KAT14: variants seen among roughly 807,000 people sequenced by gnomAD.
KAT14 encodes the protein lysine acetyltransferase 14, also known as cysteine-rich protein 2-binding protein.
KAT14 carries 66 observed loss-of-function variants against 78.4 expected under a neutral mutation model. The ratio of observed to expected loss-of-function variants is 0.84; its 90% CI spans 0.69 to 1.03. The LOEUF (loss-of-function observed/expected upper bound fraction) is 1.03. Ranked by LOEUF, KAT14 falls within the 50% of genes least tolerant of loss-of-function variation. The pLI is 0.00. For synonymous variants in KAT14, 344 were observed against 359.4 expected (o/e 0.96, Z 0.48); for missense variants, 870 against 972.5 (o/e 0.89, Z 1.40).
chr20:18,180,659 G>A (rs898589060), intron 7 of KAT14, among the ~76,000 whole-genome samples: 2 of 152,176 alleles, frequency 1.3e-5, no homozygotes, highest in Non-Finnish European at 2.9e-5. Flanking sequence ...CACATGGCTG[G>A]GTAGGCCTCA....
intron 4 of KAT14, among the ~76,000 whole-genome samples, 196 bp from the exon 5 acceptor site, chr20:18,158,888 G>A (rs924823867): frequency 6.6e-6 from 1 of 152,100 alleles, no homozygotes. Flanking sequence ...AACAAACCGA[G>A]GCTGCTAGAA....
chr20:18,143,254 C>T (rs762728979), intron 2 of KAT14: 36 of 841,924 alleles, frequency 4.3e-5, no homozygotes, highest in Non-Finnish European at 5.0e-5. Context: ...GTGTTGAATT[C>T]ATGTTCAAGT....
At chr20:18,176,422 A>G (rs1216380509) in intron 7 of KAT14, among the ~76,000 whole-genome samples, 1 of 152,168 alleles carries the variant, frequency 6.6e-6, no homozygotes, top group African/African-American at 2.4e-5. Context: ...GACATTAACT[A>G]GCTCACCAGG....
rs771410911 is a variant in KAT14 at position 18,162,382 on chromosome 20, G to A, written c.1105G>A (p.Asp369Asn). The change falls in exon 7 of 11, where the codon GAT (aspartate) becomes AAT (asparagine). Residue 369 changes from aspartate (D) to asparagine (N), a missense_variant. Physicochemically the swap from Asp to Asn is conservative, Grantham distance 23. Coordinates refer to ENST00000688188, the MANE Select transcript of KAT14 (RefSeq NM_001392073.1). ...MPPQALFHDD[D>N]EMEGDGVIDP... is the part of the protein sequence containing the mutation. Reference sequence around the variant, plus strand: ...CTGTTTTGTACTCTGCACAGATGACGATGAGATGGAAGGCGATGGAGTCAT... The same window carrying A: ...CTGTTTTGTACTCTGCACAGATGACAATGAGATGGAAGGCGATGGAGTCAT... 20 of 1,611,464 alleles carry A rather than the reference G, an allele frequency of 1.2e-5. 1 individual carries two copies. Among genetic ancestry groups the A allele is most frequent in the South Asian group, 2.2e-5 (2 of 90,648 alleles).
chr20:18,180,969 C>T (rs2039226468), intron 7 of KAT14, among the ~76,000 whole-genome samples: 1 of 152,122 alleles, frequency 6.6e-6, no homozygotes, highest in African/African-American at 2.4e-5. Context: ...TAGTAGTTGG[C>T]CCCAGTGGCT....
chr20:18,177,423 G>C (rs1228028126), intron 7 of KAT14, among the ~76,000 whole-genome samples: 1 of 152,162 alleles, frequency 6.6e-6, no homozygotes, highest in African/African-American at 2.4e-5. Flanking sequence ...TATTCACAAG[G>C]TCCACCCAGC....
chr20:18,172,118 T>C (rs1444259601), intron 7 of KAT14, among the ~76,000 whole-genome samples: 2 of 152,198 alleles, frequency 1.3e-5, no homozygotes, highest in Admixed American at 6.5e-5. Flanking sequence ...TTTTTTTTAT[T>C]TGAGACAGAG....
chr20:18,157,755 G>T (rs2038275769), intron 4 of KAT14, among the ~76,000 whole-genome samples: 2 of 151,974 alleles, frequency 1.3e-5, no homozygotes, highest in Admixed American at 1.3e-4. Context: ...TGTCCTCAAG[G>T]GTTATCCACA....
At position 18,143,015 on chromosome 20, in the gene KAT14, A is replaced by G. The variant is rs952003629; in HGVS notation, c.259+96A>G. 7.4e-6 allele frequency: 11 copies of G among 1,482,204 alleles called. No individual in the cohort carries two copies. In the African/African-American group the frequency reaches 1.3e-4, roughly 17 times the overall value. 91.8% of individuals were successfully genotyped at this position (1,482,204 alleles called of 1,614,324 possible). A position where few individuals can be genotyped will look rare whatever the true frequency, so the allele number is the denominator to read the frequency against. ...AAACGTGAATGTAAAAGAGACCTAA[A>G]TAAAAGGATAATTATATTTATTCTC... On this transcript the variant is annotated intron_variant, in intron 2 of 10. Transcript: ENST00000688188.
At chr20:18,184,502 TTA>T in intron 9 of KAT14, 98 bp from the exon 10 acceptor site, 5 of 1,095,252 alleles carry the variant, frequency 4.6e-6, no homozygotes, top group Non-Finnish European at 3.7e-6. Context: ...TTTTTTTTTT[TTA>T]GCATGCAGGT....
chr20:18,165,341 G>A (rs2038600381), intron 7 of KAT14, among the ~76,000 whole-genome samples: 1 of 152,250 alleles, frequency 6.6e-6, no homozygotes, highest in South Asian at 2.1e-4. Context: ...GGACTGAATT[G>A]TGTCCCCCTT....
At chr20:18,158,209 T>TAA (rs1194451330) in intron 4 of KAT14, among the ~76,000 whole-genome samples, 1 of 152,244 alleles carries the variant, frequency 6.6e-6, no homozygotes, top group Non-Finnish European at 1.5e-5. Flanking sequence ...GTGCTGGAAT[T>TAA]ACAGGCGTGA....
intron 7 of KAT14, among the ~76,000 whole-genome samples, chr20:18,167,901 G>T (rs1416432179): frequency 4.0e-5 from 6 of 151,646 alleles, no homozygotes; most frequent in African/African-American, 1.2e-4. Flanking sequence ...AAACAAAAAA[G>T]TACATTTTCA....
chr20:18,174,669 A>T (rs199928117), intron 7 of KAT14, among the ~76,000 whole-genome samples: 81 of 138,740 alleles, frequency 5.8e-4, no homozygotes, highest in East Asian at 4.7e-3. Context: ...TTTTTTTTTT[A>T]TTTTTTTTTT....
intron 1 of KAT14, 184 bp downstream of exon 1, chr20:18,138,235 C>T (rs1600210663): frequency 2.4e-6 from 3 of 1,247,616 alleles, no homozygotes; most frequent in East Asian, 6.5e-5. Context: ...CCGGGCGCTG[C>T]AGCTCCCGGC....
chr20:18,184,808 T>G lies in KAT14; in HGVS notation c.2172+16T>G. On this transcript the variant is annotated intron_variant, in intron 10 of 10. Transcript: ENST00000688188. ...TCTGATTCAGGTAAGTTGTCTATGT[T>G]TATGATTTATCACCTGTGTCTGGGC... 6.3e-7 allele frequency: 1 copy of G among 1,592,060 alleles called. No individual in the cohort carries two copies.
In KAT14 at chr20:18,162,181, C is replaced by T. The variant is rs767253946; in HGVS notation, c.1041C>T (p.Ser347=). 14 of 1,614,204 alleles carry T rather than the reference C, an allele frequency of 8.7e-6. No individual in the cohort carries two copies. Among genetic ancestry groups the T allele is most frequent in the Non-Finnish European group, 1.2e-5 (14 of 1,180,046 alleles). Residue 347 remains serine (S), a synonymous_variant, in exon 6 of 11, where the codon AGC becomes AGT. Transcript: ENST00000688188. ...CTGCCTCTCATTCTGCCACACCTAG[C>T]TTGCTTTCAGAAGCAGATCTGATTC... ...GTPASHSATP[S]LLSEADLIPD...
intron 1 of KAT14, among the ~76,000 whole-genome samples, chr20:18,139,968 G>A (rs1216918033): frequency 1.3e-5 from 2 of 152,176 alleles, no homozygotes; most frequent in Admixed American, 1.3e-4. Context: ...GAGGTCTTTA[G>A]TGATTAGTAA....
At chr20:18,138,072 T>A in intron 1 of KAT14, 21 bp downstream of exon 1, 1 of 1,456,738 alleles carries the variant, frequency 6.9e-7, no homozygotes, top group East Asian at 2.9e-5. Context: ...CGTGACCGTC[T>A]CTTCCGGGCC....
Sources: allele counts gnomAD v4.1 joint callset (sites outside exome capture counted in the v4.1 genomes callset), GRCh38; gene constraint gnomAD v4.1.1; transcripts MANE v1.5; gene names NCBI Gene and HGNC (gene_info 2026-07-23, HGNC 2026-07-21).